Variants in BRINP3 observed in about 807,000 individuals in gnomAD.
The protein encoded by BRINP3 is BMP/retinoic acid-inducible neural-specific protein 3.
In BRINP3, 19 loss-of-function variants were observed where a neutral mutation model predicts 71.0. The observed-to-expected ratio is 0.27, with a 90% confidence interval of 0.19 to 0.39. The LOEUF (loss-of-function observed/expected upper bound fraction) is 0.39. Ranked by LOEUF, BRINP3 falls within the 10% of genes least tolerant of loss-of-function variation. The pLI is 1.00. For synonymous variants in BRINP3, 380 were observed against 337.7 expected (o/e 1.13, Z -1.37); for missense variants, 959 against 940.8 (o/e 1.02, Z -0.25).
chr1:190,099,925 G>A (rs536753538), intron 7 of BRINP3, among the ~76,000 whole-genome samples: 7 of 151,972 alleles, frequency 4.6e-5, no homozygotes, highest in South Asian at 2.1e-4. Context: ...TGATTTTCTC[G>A]CATTATTTAA....
At chr1:190,140,685 G>T (rs1655360240) in intron 7 of BRINP3, among the ~76,000 whole-genome samples, 1 of 152,154 alleles carries the variant, frequency 6.6e-6, no homozygotes, top group Non-Finnish European at 1.5e-5. Context: ...TTCAAATTTA[G>T]TGAGATGAAC....
intron 6 of BRINP3, among the ~76,000 whole-genome samples, chr1:190,167,639 G>C (rs144969067): frequency 6.6e-6 from 1 of 152,112 alleles, no homozygotes; most frequent in Non-Finnish European, 1.5e-5. Context: ...ATTCCTTTCA[G>C]ATCTGTTATG....
At chr1:190,251,696 G>GGT (rs1445785678) in intron 4 of BRINP3, among the ~76,000 whole-genome samples, 1 of 151,862 alleles carries the variant, frequency 6.6e-6, no homozygotes, top group Non-Finnish European at 1.5e-5. Context: ...AACATCTACT[G>GGT]ACAGGTAGAT....
chr1:190,278,403 T>G (rs1662777898), intron 3 of BRINP3, among the ~76,000 whole-genome samples: 1 of 151,662 alleles, frequency 6.6e-6, no homozygotes, highest in South Asian at 2.1e-4. Flanking sequence ...TACAATTTCA[T>G]GTTCAATCAG....
At chr1:190,397,325 C>A (rs1271700558) in intron 2 of BRINP3, among the ~76,000 whole-genome samples, 1 of 151,930 alleles carries the variant, frequency 6.6e-6, no homozygotes, top group Non-Finnish European at 1.5e-5. Context: ...TATTCTTTGA[C>A]AGGCTTGCAG....
chr1:190,188,646 T>C (rs1653756330), intron 6 of BRINP3, among the ~76,000 whole-genome samples: 1 of 152,194 alleles, frequency 6.6e-6, no homozygotes, highest in South Asian at 2.1e-4. Context: ...TAATGTATTG[T>C]ATCACATTTA....
At chr1:190,125,031 A>G (rs923063673) in intron 7 of BRINP3, among the ~76,000 whole-genome samples, 9 of 152,040 alleles carry the variant, frequency 5.9e-5, no homozygotes, top group Admixed American at 2.6e-4. Context: ...CACCTTGTCC[A>G]ACACCTTCAT....
At chr1:190,381,280 AAAACAAAACG>A (rs753418957) in intron 2 of BRINP3, among the ~76,000 whole-genome samples, 6 of 152,256 alleles carry the variant, frequency 3.9e-5, no homozygotes, top group Non-Finnish European at 8.8e-5. Context: ...AAAACAAAAC[AAAACAAAACG>A]AAACAAAACA....
intron 6 of BRINP3, among the ~76,000 whole-genome samples, chr1:190,166,936 G>T (rs1253388534): frequency 1.3e-5 from 2 of 152,000 alleles, no homozygotes; most frequent in Non-Finnish European, 2.9e-5. Context: ...TGTTGGCCAG[G>T]CTGGACTTGA....
At chr1:190,201,271 C>T (rs1426447129) in intron 6 of BRINP3, among the ~76,000 whole-genome samples, 3 of 152,022 alleles carry the variant, frequency 2.0e-5, no homozygotes, top group Admixed American at 6.6e-5. Context: ...TTGCCCCTGC[C>T]CTAGAGATTT....
In BRINP3 at chr1:190,265,047, ACTCCT is replaced by A; in HGVS notation, c.431_435del (p.Glu144ValfsTer16). The A allele has an allele frequency of 6.3e-7, 1 of 1,599,978 alleles. No homozygotes were observed. Among genetic ancestry groups the A allele is most frequent in the Non-Finnish European group, 8.5e-7 (1 of 1,175,390 alleles). ...CGCTTGTCCACAAAAATTGTGAGTG[ACTCCT>A]CTCCTGCATTAATAATATTTCAAAT... On this transcript the variant is annotated frameshift_variant, in exon 4 of 8. Coordinates refer to ENST00000367462, the MANE Select transcript of BRINP3 (RefSeq NM_199051.3). LOFTEE classifies it high-confidence loss of function.
rs866652367 is a variant in BRINP3, at chr1:190,147,279, C to T, written c.1184+13389G>A. ...TGTAGATTCAAGTTTTATTTACTGG[C>T]AAACTTACTAAACAAGGATAAACAA... is the stretch of plus-strand genomic sequence containing the variant. On this transcript the variant is annotated intron_variant, in intron 7 of 7. Coordinates refer to ENST00000367462, the MANE Select transcript of BRINP3 (RefSeq NM_199051.3). Among the ~76,000 whole-genome samples, 48 of 152,110 alleles carry T rather than the reference C, an allele frequency of 3.2e-4. 1 individual carries two copies. The Middle Eastern group carries it at 0.01, about 32-fold the overall frequency.
chr1:190,216,773 T>C (rs1656454347), intron 6 of BRINP3, among the ~76,000 whole-genome samples: 1 of 151,900 alleles, frequency 6.6e-6, no homozygotes, highest in South Asian at 2.1e-4. Flanking sequence ...ATTACTTCCT[T>C]CTTTTTGTAT....
intron 2 of BRINP3, among the ~76,000 whole-genome samples, chr1:190,335,110 G>A (rs892533089): frequency 2.2e-4 from 34 of 151,786 alleles, no homozygotes; most frequent in African/African-American, 8.2e-4. Context: ...TTAGTACTGG[G>A]AAAGCAGGGA....
chr1:190,273,308 T>C (rs1163396701), intron 3 of BRINP3, among the ~76,000 whole-genome samples: 1 of 151,564 alleles, frequency 6.6e-6, no homozygotes, highest in African/African-American at 2.4e-5. Flanking sequence ...TTAAACCAGC[T>C]GTAGCTCATA....
chr1:190,401,060 A>G (rs1429121464), intron 2 of BRINP3, among the ~76,000 whole-genome samples: 1 of 152,146 alleles, frequency 6.6e-6, no homozygotes, highest in Non-Finnish European at 1.5e-5. Context: ...GACAAATACC[A>G]TATATGCCTG....
chr1:190,477,097 C>G (rs540919622), intron 1 of BRINP3, among the ~76,000 whole-genome samples: 2 of 152,158 alleles, frequency 1.3e-5, no homozygotes, highest in South Asian at 4.1e-4. Context: ...CTTAGATAAA[C>G]CTATAAAATG....
At chr1:190,371,821 G>A (rs1669886473) in intron 2 of BRINP3, among the ~76,000 whole-genome samples, 1 of 152,010 alleles carries the variant, frequency 6.6e-6, no homozygotes. Context: ...TCTGGCATAG[G>A]GGGCACAGCT....
chr1:190,412,734 TTACAGGCGTGAG>T (rs1186786092), intron 2 of BRINP3, among the ~76,000 whole-genome samples: 3 of 152,014 alleles, frequency 2.0e-5, no homozygotes, highest in Non-Finnish European at 4.4e-5. Flanking sequence ...AGTGCTGGGA[TTACAGGCGTGAG>T]TATGTAGTAC....
Sources: allele counts gnomAD v4.1 joint callset (sites outside exome capture counted in the v4.1 genomes callset), GRCh38; gene constraint gnomAD v4.1.1; transcripts MANE v1.5; gene names NCBI Gene and HGNC (gene_info 2026-07-23, HGNC 2026-07-21).